The following SLC16A7 variants were observed in gnomAD, a reference collection of about 807,000 sequenced individuals.
SLC16A7 encodes the protein solute carrier family 16 member 7, also known as monocarboxylate transporter 2.
Under a neutral mutation model 34.9 loss-of-function variants are expected in SLC16A7, and 33 were observed. The ratio of observed to expected loss-of-function variants is 0.94; its 90% CI spans 0.72 to 1.26. The LOEUF (loss-of-function observed/expected upper bound fraction) is 1.26. Ranked by LOEUF, SLC16A7 falls within the 50% of genes most tolerant of loss-of-function variation. The pLI is 0.00. For synonymous variants in SLC16A7, 201 were observed against 206.6 expected (o/e 0.97, Z 0.23); for missense variants, 573 against 578.1 (o/e 0.99, Z 0.09).
rs1883569446 is a variant in SLC16A7, at chr12:59,785,769, T to A, written c.*6090T>A. The A allele has an allele frequency of 6.6e-6, 1 of 152,148 alleles. No homozygotes were observed. The highest frequency in any genetic ancestry group is 2.4e-5 in the African/African-American group (1 of 41,440). The allele number at this position is 152,148 out of a possible 1,614,324, so 9.4% of individuals were successfully genotyped here. Reference sequence around the variant, plus strand: ...CACATTTCAGTAAATATTTTTCACATGATCAAACAGGATTTTTTGTTTCTT... The same window carrying A: ...CACATTTCAGTAAATATTTTTCACAAGATCAAACAGGATTTTTTGTTTCTT... On this transcript the variant is annotated 3_prime_UTR_variant, in exon 6 of 6. Coordinates refer to ENST00000547379, the MANE Select transcript of SLC16A7 (RefSeq NM_001270623.2).
At chr12:59,684,972 C>T (rs895704929) in intron 2 of SLC16A7, among the ~76,000 whole-genome samples, 1 of 152,034 alleles carries the variant, frequency 6.6e-6, no homozygotes, top group Non-Finnish European at 1.5e-5. Context: ...TACAGGTATG[C>T]CATCAATCCC....
At position 59,787,207 on chromosome 12, in the gene SLC16A7, C is replaced by T. The variant is rs927332280; in HGVS notation, c.*7528C>T. On this transcript the variant is annotated 3_prime_UTR_variant, in exon 6 of 6. Transcript: ENST00000547379. ...TGAAGTAGAACGCCAGAGCACAGAA[C>T]ACACAGTTCAAGTTTAAATTATTAA... 2.0e-5 allele frequency: 3 copies of T among 152,098 alleles called. No homozygotes were observed. Among genetic ancestry groups the T allele is most frequent in the African/African-American group, 7.2e-5 (3 of 41,406 alleles). The allele number at this position is 152,098 out of a possible 1,614,324, so 9.4% of individuals were successfully genotyped here.
chr12:59,754,504 TAGA>T (rs776288063), intron 3 of SLC16A7, among the ~76,000 whole-genome samples: 46 of 152,154 alleles, frequency 3.0e-4, no homozygotes, highest in Non-Finnish European at 6.5e-4. Context: ...CTAGAAAATC[TAGA>T]AGAAATGGAT....
intron 3 of SLC16A7, among the ~76,000 whole-genome samples, chr12:59,756,983 A>G (rs12822105): frequency 1.5e-5 from 2 of 136,152 alleles, no homozygotes; most frequent in East Asian, 4.1e-4. Context: ...GGAAATCATC[A>G]TTCTCAGTAA....
At chr12:59,628,958 G>A (rs1391973734) in intron 1 of SLC16A7, among the ~76,000 whole-genome samples, 2 of 151,750 alleles carry the variant, frequency 1.3e-5, no homozygotes, top group Non-Finnish European at 2.9e-5. Flanking sequence ...AAACTGGGGA[G>A]GTTACACAAG....
chr12:59,781,084 C>T lies in SLC16A7; in HGVS notation c.*1405C>T, dbSNP rs1883212774. 1 of 152,084 alleles carries T rather than the reference C, an allele frequency of 6.6e-6. No individual in the cohort carries two copies. The highest frequency in any genetic ancestry group is 6.6e-5 in the Admixed American group (1 of 15,242). The allele number at this position is 152,084 out of a possible 1,614,324, so 9.4% of individuals were successfully genotyped here. On this transcript the variant is annotated 3_prime_UTR_variant, in exon 6 of 6. Coordinates refer to ENST00000547379, the MANE Select transcript of SLC16A7 (RefSeq NM_001270623.2). ...GCAAAAAACTTGAAATATTGCAGCC[C>T]AGTTTAATTCAGCACTTTCCCATTT... is the stretch of plus-strand genomic sequence containing the variant.
In SLC16A7 at chr12:59,744,453, C is replaced by T. The variant is rs73348863; in HGVS notation, c.218-26766C>T. 4.4e-3 allele frequency among the ~76,000 whole-genome samples: 671 copies of T among 152,242 alleles called. 4 individuals are homozygous for T. Among genetic ancestry groups the T allele is most frequent in the African/African-American group, 0.016 (648 of 41,556 alleles). ...GGAAGCTTATCTTCCAGTTCCATTC[C>T]CTTTGCAGCTCCCCTTCCTGCTGAA... is the stretch of plus-strand genomic sequence containing the variant. On this transcript the variant is annotated intron_variant, in intron 3 of 5. Coordinates refer to ENST00000547379, the MANE Select transcript of SLC16A7 (RefSeq NM_001270623.2).
chr12:59,674,285 C>T (rs1045123843), intron 2 of SLC16A7, among the ~76,000 whole-genome samples: 1 of 152,136 alleles, frequency 6.6e-6, no homozygotes, highest in Admixed American at 6.5e-5. Flanking sequence ...GGATTATATA[C>T]TCCATGAAGG....
intron 2 of SLC16A7, among the ~76,000 whole-genome samples, chr12:59,661,076 TGGA>T (rs1868825194): frequency 6.6e-6 from 1 of 152,084 alleles, no homozygotes; most frequent in Non-Finnish European, 1.5e-5. Context: ...TATTCCTATG[TGGA>T]GGAGAAGTGG....
At chr12:59,741,167 C>T (rs1167237621) in intron 3 of SLC16A7, among the ~76,000 whole-genome samples, 1 of 152,092 alleles carries the variant, frequency 6.6e-6, no homozygotes, top group Non-Finnish European at 1.5e-5. Flanking sequence ...ATGCCATCCC[C>T]ATCAAGCTAC....
At chr12:59,702,252 A>G (rs1233915842) in intron 2 of SLC16A7, among the ~76,000 whole-genome samples, 1 of 152,000 alleles carries the variant, frequency 6.6e-6, no homozygotes, top group Non-Finnish European at 1.5e-5. Context: ...TAAATATTAT[A>G]CATCTTCAAA....
chr12:59,692,085 T>A (rs2137099213), intron 2 of SLC16A7, among the ~76,000 whole-genome samples: 1 of 152,132 alleles, frequency 6.6e-6, no homozygotes, highest in East Asian at 1.9e-4. Context: ...TGGGAGACTC[T>A]GTTCCATGCC....
In SLC16A7 at chr12:59,779,928, G is replaced by A; in HGVS notation, c.*249G>A. ...GGTTTATTTCCATACCTGACTCTGGGTGTGGTGGTTAAAATACTAATTTTA... is the reference window on the plus strand; with the variant it reads ...GGTTTATTTCCATACCTGACTCTGGATGTGGTGGTTAAAATACTAATTTTA... On this transcript the variant is annotated 3_prime_UTR_variant, in exon 6 of 6. Coordinates refer to ENST00000547379, the MANE Select transcript of SLC16A7 (RefSeq NM_001270623.2). 2.9e-6 allele frequency: 1 copy of A among 340,052 alleles called. No individual in the cohort carries two copies. Among genetic ancestry groups the A allele is most frequent in the Non-Finnish European group, 5.4e-6 (1 of 185,702 alleles). The allele number at this position is 340,052 out of a possible 1,614,324, so 21.1% of individuals were successfully genotyped here.
intron 3 of SLC16A7, among the ~76,000 whole-genome samples, chr12:59,728,055 T>A (rs2706316): frequency 0.045 from 6,829 of 152,094 alleles, 487 homozygotes; most frequent in African/African-American, 0.16. Context: ...CAATAGATAA[T>A]AACAACAAGG....
chr12:59,625,832 C>G (rs1039215594), intron 1 of SLC16A7, among the ~76,000 whole-genome samples: 2 of 151,720 alleles, frequency 1.3e-5, no homozygotes, highest in Non-Finnish European at 1.5e-5. Flanking sequence ...GCAAATATGC[C>G]TAATACACAT....
chr12:59,662,377 A>G (rs908792112), intron 2 of SLC16A7, among the ~76,000 whole-genome samples: 3 of 152,094 alleles, frequency 2.0e-5, no homozygotes, highest in African/African-American at 7.2e-5. Flanking sequence ...CACACAGGCT[A>G]TTTATCAAGG....
At position 59,771,354 on chromosome 12, in the gene SLC16A7, T is replaced by A. The variant is rs771760678; in HGVS notation, c.353T>A (p.Phe118Tyr). The A allele has an allele frequency of 1.3e-6, 2 of 1,597,700 alleles. No individual in the cohort carries two copies. The highest frequency in any genetic ancestry group is 8.5e-7 in the Non-Finnish European group (1 of 1,172,198). The change falls in exon 4 of 6, where the codon TTC (phenylalanine) becomes TAC (tyrosine). Residue 118 changes from phenylalanine to tyrosine, a missense_variant. By Grantham distance (22) the Phe-to-Tyr change is conservative (BLOSUM62 3). Coordinates refer to ENST00000547379, the MANE Select transcript of SLC16A7 (RefSeq NM_001270623.2). ...GTACAGCTGTACCTCACTATGGGAT[T>A]CATTACAGGTAAGCCATTTAGTCTT... ...SVVQLYLTMGFITGLGLAFNL... is the reference protein window; with the variant it reads ...SVVQLYLTMGYITGLGLAFNL...
intron 1 of SLC16A7, among the ~76,000 whole-genome samples, chr12:59,623,445 C>T (rs964825554): frequency 1.3e-5 from 2 of 151,544 alleles, no homozygotes; most frequent in Non-Finnish European, 3.0e-5. Context: ...TCTCCCTATT[C>T]TGGTCTTTTA....
intron 2 of SLC16A7, among the ~76,000 whole-genome samples, chr12:59,663,223 A>G (rs1277922977): frequency 6.6e-6 from 1 of 151,984 alleles, no homozygotes; most frequent in Non-Finnish European, 1.5e-5. Context: ...ACTTTAGAAT[A>G]TTTTGTAATA....
Sources: allele counts gnomAD v4.1 joint callset (sites outside exome capture counted in the v4.1 genomes callset), GRCh38; gene constraint gnomAD v4.1.1; transcripts MANE v1.5; gene names NCBI Gene and HGNC (gene_info 2026-07-23, HGNC 2026-07-21).